The following MCAT variants were observed in gnomAD, a reference collection of about 807,000 sequenced individuals.
The protein encoded by MCAT is malonyl-CoA-acyl carrier protein transacylase, also known as malonyl-CoA-acyl carrier protein transacylase, mitochondrial.
A neutral mutation model predicts 22.9 loss-of-function variants in MCAT; 22 were observed. That is an observed-to-expected ratio of 0.96 (90% CI 0.69 to 1.37). MCAT has a LOEUF of 1.37. MCAT is among the 40% of genes most tolerant of loss of function. MCAT has a pLI of 0.00. For synonymous variants in MCAT, 240 were observed against 233.9 expected (o/e 1.03, Z -0.24); for missense variants, 534 against 533.6 (o/e 1.00, Z -0.01).
intron 1 of MCAT, among the ~76,000 whole-genome samples, chr22:43,141,608 G>A (rs1018987218): frequency 6.6e-6 from 1 of 151,624 alleles, no homozygotes; most frequent in Non-Finnish European, 1.5e-5. Flanking sequence ...TTTTGCTCTT[G>A]TTGCCCAGGC....
chr22:43,141,298 A>G, intron 1 of MCAT, 49 bp from the exon 2 acceptor site: 1 of 1,516,246 alleles, frequency 6.6e-7, no homozygotes, highest in Non-Finnish European at 9.2e-7. Context: ...TGGGGATCCC[A>G]GTTCCAGGGC....
Position 43,143,060 on chromosome 22 carries a change from C to A in MCAT, c.289G>T (p.Val97Leu), listed in dbSNP as rs368993438. 4.0e-5 allele frequency: 65 copies of A among 1,609,744 alleles called. No homozygotes were observed. In the African/African-American group the frequency reaches 7.6e-4, roughly 19 times the overall value. Residue 97 changes from valine (V) to leucine (L), a missense_variant, in exon 1 of 4, where the codon GTG becomes TTG. Coordinates refer to ENST00000290429, the MANE Select transcript of MCAT (RefSeq NM_173467.5). ...VRELYAAARR[V>L]LGYDLLELSL... ...AGTTCCAGCAGGTCGTAGCCCAGCA[C>A]GCGGCGGGCGGCGGCGTAGAGTTCG...
At chr22:43,133,907 A>G (rs1378145636) in intron 3 of MCAT, among the ~76,000 whole-genome samples, 2 of 150,224 alleles carry the variant, frequency 1.3e-5, no homozygotes, top group Non-Finnish European at 3.0e-5. Context: ...CCAGGTTCAC[A>G]CCATTCTCCT....
rs117281298 is a variant in MCAT at position 43,141,078 on chromosome 22, G to A, written c.511+84C>T. The A allele has an allele frequency of 7.5e-4, 786 of 1,044,754 alleles. 12 individuals carry two copies. In the East Asian group the frequency reaches 0.012, roughly 16 times the overall value. The allele number at this position is 1,044,754 out of a possible 1,614,324, so 64.7% of individuals were successfully genotyped here. ...TGCTCCCTTCCCATCACCTGAGTGG[G>A]TCCAGTATCATTTTTGGCAGTGTCC... is the stretch of plus-strand genomic sequence containing the variant. On this transcript the variant is annotated intron_variant, in intron 2 of 3. Transcript: ENST00000290429.
chr22:43,135,817 G>T (rs1214886013), intron 3 of MCAT, among the ~76,000 whole-genome samples: 2 of 152,216 alleles, frequency 1.3e-5, no homozygotes, highest in African/African-American at 4.8e-5. Flanking sequence ...AGGGGAAGGG[G>T]AGCCAAGCAC....
At chr22:43,134,509 G>C (rs900615181) in intron 3 of MCAT, among the ~76,000 whole-genome samples, 3 of 152,130 alleles carry the variant, frequency 2.0e-5, no homozygotes, top group African/African-American at 7.2e-5. Context: ...CACCACGCCT[G>C]GCTAAGTTTT....
At position 43,137,131 on chromosome 22, in the gene MCAT, C is replaced by A; in HGVS notation, c.679G>T (p.Val227Leu). 6.2e-7 allele frequency: 1 copy of A among 1,614,190 alleles called. No homozygotes were observed. Among genetic ancestry groups the A allele is most frequent in the Non-Finnish European group, 8.5e-7 (1 of 1,180,042 alleles). Residue 227 changes from valine (V) to leucine (L), a missense_variant, in exon 3 of 4, where the codon GTG becomes TTG. Coordinates refer to ENST00000290429, the MANE Select transcript of MCAT (RefSeq NM_173467.5). ...CAATCTGGAAAGAGGTAGTTGGACA[C>A]TTCACATACGGGGTTCTCTATGCCT... ...SLGIENPVCE[V>L]SNYLFPDCRV...
At chr22:43,137,541 G>C (rs1488799833) in intron 2 of MCAT, among the ~76,000 whole-genome samples, 2 of 152,170 alleles carry the variant, frequency 1.3e-5, no homozygotes, top group Non-Finnish European at 2.9e-5. Flanking sequence ...CTATAAAGCT[G>C]GTTTGGAGTA....
Position 43,137,178 on chromosome 22 carries a change from G to T in MCAT, c.632C>A (p.Ala211Asp), listed in dbSNP as rs767277396. Reference sequence around the variant, plus strand: ...GCCTAAAGACTTGCAGTGTTCCCGGGCTTCCAAACAGGCGAAGTTGAACTT... The same window carrying T: ...GCCTAAAGACTTGCAGTGTTCCCGGTCTTCCAAACAGGCGAAGTTGAACTT... Reference protein sequence around the residue: ...QSKFNFACLEAREHCKSLGIE... With the variant: ...QSKFNFACLEDREHCKSLGIE... The change falls in exon 3 of 4, where the codon GCC becomes GAC. Residue 211 changes from alanine to aspartate, a missense_variant. By Grantham distance (126) the Ala-to-Asp change is moderately radical. Transcript: ENST00000290429. 1.2e-6 allele frequency: 2 copies of T among 1,614,154 alleles called. No individual in the cohort carries two copies. Among genetic ancestry groups the T allele is most frequent in the South Asian group, 2.2e-5 (2 of 91,088 alleles).
chr22:43,139,766 T>G (rs1930717966), intron 2 of MCAT, among the ~76,000 whole-genome samples: 1 of 151,996 alleles, frequency 6.6e-6, no homozygotes, highest in Non-Finnish European at 1.5e-5. Context: ...TTAGTAGAGA[T>G]GGGGTTTTAC....
At chr22:43,138,283 A>G (rs1018216521) in intron 2 of MCAT, among the ~76,000 whole-genome samples, 34 of 152,308 alleles carry the variant, frequency 2.2e-4, no homozygotes, top group Middle Eastern at 3.4e-3. Context: ...ACTGTACTAC[A>G]TGAATTTCAG....
Position 43,132,837 on chromosome 22 carries a change from C to T in MCAT, c.*206G>A, listed in dbSNP as rs1392011216. 6 of 581,904 alleles carry T rather than the reference C, an allele frequency of 1.0e-5. No individual in the cohort carries two copies. Among genetic ancestry groups the T allele is most frequent in the Non-Finnish European group, 1.5e-5 (5 of 327,806 alleles). 36.0% of individuals were successfully genotyped at this position (581,904 alleles called of 1,614,324 possible). On this transcript the variant is annotated 3_prime_UTR_variant, in exon 4 of 4. Transcript: ENST00000290429. ...GGCATCATTCTTCCCAACGTCCAAA[C>T]GTTTTTCCAAGGGGGAGAAATGGAC...
At chr22:43,136,693 A>C (rs904318099) in intron 3 of MCAT, among the ~76,000 whole-genome samples, 3 of 152,252 alleles carry the variant, frequency 2.0e-5, no homozygotes, top group African/African-American at 7.2e-5. Context: ...GGGCAAAAAC[A>C]GACACCTAAA....
rs1601738620 is a variant in MCAT, at chr22:43,133,323, T to C, written c.893A>G (p.Tyr298Cys). Residue 298 changes from tyrosine to cysteine, a missense_variant, in exon 4 of 4, where the codon TAC (tyrosine) becomes TGC (cysteine). Transcript: ENST00000290429. Reference protein sequence around the residue: ...VDIKKPLVSVYSNVHAHRYRH... With the variant: ...VDIKKPLVSVCSNVHAHRYRH... ...GTATCTATGCGCGTGGACGTTGGAG[T>C]AGACAGAAACCAGAGGCTTCTTAAT... 1 of 1,613,802 alleles carries C rather than the reference T, an allele frequency of 6.2e-7. No individual in the cohort carries two copies. The highest frequency in any genetic ancestry group is 1.7e-5 in the Admixed American group (1 of 59,970).
At chr22:43,133,751 A>G (rs1202881054) in intron 3 of MCAT, among the ~76,000 whole-genome samples, 1 of 152,036 alleles carries the variant, frequency 6.6e-6, no homozygotes, top group Non-Finnish European at 1.5e-5. Context: ...GGCATGCAAC[A>G]GTGTCTGGTA....
In MCAT at chr22:43,143,107, A is replaced by C. The variant is rs568778084; in HGVS notation, c.242T>G (p.Leu81Arg). Reference protein sequence around the residue: ...GSQVVGMGRGLLNYPRVRELY... With the variant: ...GSQVVGMGRGRLNYPRVRELY... Reference sequence around the variant, plus strand: ...TTCGCGGACGCGCGGGTAGTTGAGCAGACCGCGGCCCATGCCCACCACCTG... The same window carrying C: ...TTCGCGGACGCGCGGGTAGTTGAGCCGACCGCGGCCCATGCCCACCACCTG... The change falls in exon 1 of 4, where the codon CTG becomes CGG. Residue 81 changes from leucine to arginine, a missense_variant. Transcript: ENST00000290429. The C allele has an allele frequency of 3.2e-5, 52 of 1,604,212 alleles. No individual in the cohort carries two copies. The East Asian group carries it at 1.1e-3, about 34-fold the overall frequency.
At chr22:43,134,976 A>G (rs2413748) in intron 3 of MCAT, among the ~76,000 whole-genome samples, 125,462 of 152,238 alleles carry the variant, frequency 0.82, 52,125 homozygotes, top group East Asian at 0.95. Flanking sequence ...TCCGTGTAAG[A>G]TCTCTGGACT....
chr22:43,139,552 A>T (rs192198547), intron 2 of MCAT, among the ~76,000 whole-genome samples: 12 of 151,108 alleles, frequency 7.9e-5, no homozygotes, highest in Admixed American at 6.7e-4. Flanking sequence ...AAGAAAACAC[A>T]AAAGTGTAAC....
At chr22:43,142,413 G>A (rs556784715) in intron 1 of MCAT, among the ~76,000 whole-genome samples, 1 of 152,060 alleles carries the variant, frequency 6.6e-6, no homozygotes, top group East Asian at 1.9e-4. Context: ...CTTGAACCTG[G>A]GAGGCAGAGG....
Sources: gnomAD v4.1 joint callset for allele counts (sites outside exome capture counted in the v4.1 genomes callset) on GRCh38, gnomAD v4.1.1 for gene constraint, MANE v1.5 for transcripts, NCBI Gene and HGNC (gene_info 2026-07-23, HGNC 2026-07-21) for gene names.